The following INTS1 variants were observed in gnomAD, a reference collection of about 807,000 sequenced individuals.
INTS1 encodes the protein integrator complex subunit 1.
A neutral mutation model predicts 241.6 loss-of-function variants in INTS1; 137 were observed. That is an observed-to-expected ratio of 0.57 (90% CI 0.49 to 0.65). The LOEUF (loss-of-function observed/expected upper bound fraction) is 0.65. INTS1 is among the 30% of genes least tolerant of loss of function. INTS1 has a pLI of 0.00. For synonymous variants in INTS1, 1,692 were observed against 1,337.8 expected, an observed-to-expected ratio of 1.26 and a Z score of -5.78; for missense variants, 3,073 against 3,032.2, an observed-to-expected ratio of 1.01 and a Z score of -0.32.
chr7:1,477,903 T>G lies in INTS1; in HGVS notation c.4664A>C (p.His1555Pro). 1 of 1,612,420 alleles carries G rather than the reference T, an allele frequency of 6.2e-7. No individual in the cohort carries two copies. The highest frequency in any genetic ancestry group is 2.2e-5 in the East Asian group (1 of 44,868). ...LQGLIEVRSPHLEELLTAFFS... is the reference protein window; with the variant it reads ...LQGLIEVRSPPLEELLTAFFS... The stretch of plus-strand genomic sequence containing the variant: ...GAATGCAGTCAGCAGCTCCTCCAGG[T>G]GGGGGGACCTCACCTCGATCAGCCC... The change falls in exon 34 of 48, where the codon CAC becomes CCC. Residue 1555 changes from histidine to proline, a missense_variant. Physicochemically the swap from His to Pro is moderately conservative, Grantham distance 77. Transcript: ENST00000404767.
chr7:1,483,716 C>T (rs751871654), intron 26 of INTS1, 26 bp downstream of exon 26: 2 of 1,587,424 alleles, frequency 1.3e-6, no homozygotes, highest in Admixed American at 1.7e-5. Flanking sequence ...ACGAAGCTGC[C>T]CCTCCCGGGG....
intron 44 of INTS1, 113 bp from the exon 45 acceptor site, chr7:1,471,754 C>T: frequency 1.0e-6 from 1 of 986,326 alleles, no homozygotes; most frequent in East Asian, 2.4e-5. Context: ...ACAGAAAGCA[C>T]TGGAAAGCAT....
In INTS1 at chr7:1,480,917, C is replaced by A; in HGVS notation, c.3867G>T (p.Leu1289=). The change falls in exon 29 of 48, where the codon CTG becomes CTT. Residue 1289 remains leucine (L), a synonymous_variant. Transcript: ENST00000404767. ...CGCCGCGCTCATGCTGGACCTCCAC[C>A]AGGTGGGCCATGTAATCTGCAAACC... ...NIMDKNYMAH[L]VEVQHERGAS... The A allele has an allele frequency of 6.4e-7, 1 of 1,571,950 alleles. No individual in the cohort carries two copies. Among genetic ancestry groups the A allele is most frequent in the Non-Finnish European group, 8.6e-7 (1 of 1,159,908 alleles).
At chr7:1,476,183 CA>C in intron 38 of INTS1, 45 bp downstream of exon 38, 1 of 1,533,748 alleles carries the variant, frequency 6.5e-7, no homozygotes. Context: ...CGACCCCCTC[CA>C]TGGCTCACTC....
chr7:1,486,429 A>G (rs907939509), intron 22 of INTS1, among the ~76,000 whole-genome samples, 196 bp downstream of exon 22: 1 of 149,248 alleles, frequency 6.7e-6, no homozygotes, highest in African/African-American at 2.5e-5. Context: ...ACGCCCAGCT[A>G]ATTTTTTCTA....
Position 1,500,374 on chromosome 7 carries a change from G to A in INTS1, c.350-8C>T, listed in dbSNP as rs186035133. 4,616 of 1,556,758 alleles carry A rather than the reference G, an allele frequency of 3.0e-3. 13 individuals carry two copies. Among genetic ancestry groups the A allele is most frequent in the Middle Eastern group, 0.011 (61 of 5,762 alleles). On this transcript the variant is annotated splice_region_variant and splice_polypyrimidine_tract_variant and intron_variant, in intron 3 of 47. Transcript: ENST00000404767. ...GCAGCACCGTGGGCAGCACTGGCCGGGGCAGGCGGTACGGTCAGAACGGGG... is the reference window on the plus strand; with the variant it reads ...GCAGCACCGTGGGCAGCACTGGCCGAGGCAGGCGGTACGGTCAGAACGGGG...
chr7:1,502,923 C>T lies in INTS1; in HGVS notation c.327G>A (p.Glu109=), dbSNP rs1783263251. 10 of 1,613,910 alleles carry T rather than the reference C, an allele frequency of 6.2e-6. No homozygotes were observed. Among genetic ancestry groups the T allele is most frequent in the South Asian group, 1.1e-5 (1 of 91,078 alleles). ...EKRAISPSIK[E]PSVVPIEVLP... Reference sequence around the variant, plus strand: ...TACCTTCAATTGGCACCACAGATGGCTCTTTAATCGACGGAGAAATGGCTC... The same window carrying T: ...TACCTTCAATTGGCACCACAGATGGTTCTTTAATCGACGGAGAAATGGCTC... Residue 109 remains glutamate, a synonymous_variant, in exon 3 of 48, where the codon GAG becomes GAA. Coordinates refer to ENST00000404767, the MANE Select transcript of INTS1 (RefSeq NM_001080453.3).
intron 26 of INTS1, 150 bp downstream of exon 26, chr7:1,483,592 C>T (rs1425916830): frequency 1.4e-6 from 1 of 694,956 alleles, no homozygotes; most frequent in Non-Finnish European, 2.6e-6. Flanking sequence ...CTGCAGCCTC[C>T]TCTTTAGGAG....
At chr7:1,484,248 G>A in intron 24 of INTS1, 78 bp from the exon 25 acceptor site, 2 of 1,438,768 alleles carry the variant, frequency 1.4e-6, no homozygotes, top group Non-Finnish European at 1.9e-6. Flanking sequence ...CTCGTCGCAG[G>A]CACGCTCTCA....
intron 13 of INTS1, 88 bp downstream of exon 13, chr7:1,495,345 G>A (rs1333425254): frequency 2.0e-6 from 3 of 1,468,206 alleles, no homozygotes; most frequent in Non-Finnish European, 2.7e-6. Context: ...CTGGCTCAGT[G>A]GGGTTTGGGG....
rs1015683125 is a variant in INTS1, at chr7:1,504,378, G to A, written c.-97C>T. Reference sequence around the variant, plus strand: ...CCGCCACCCGGCCACCCCGGAATCGGAAACCGATCTCACCGCCCTCGAGGA... The same window carrying A: ...CCGCCACCCGGCCACCCCGGAATCGAAAACCGATCTCACCGCCCTCGAGGA... On this transcript the variant is annotated 5_prime_UTR_variant, in exon 1 of 48. Transcript: ENST00000404767. 2 of 482,554 alleles carry A rather than the reference G, an allele frequency of 4.1e-6. No individual in the cohort carries two copies. The highest frequency in any genetic ancestry group is 8.1e-6 in the Non-Finnish European group (2 of 245,906). 29.9% of individuals were successfully genotyped at this position (482,554 alleles called of 1,614,324 possible).
At chr7:1,483,654 AG>A in intron 26 of INTS1, 87 bp downstream of exon 26, 1 of 1,007,986 alleles carries the variant, frequency 9.9e-7, no homozygotes, top group Non-Finnish European at 1.5e-6. Flanking sequence ...CCCAGAAGCA[AG>A]GCAAGGATGC....
chr7:1,494,715 A>G, intron 14 of INTS1, 101 bp downstream of exon 14: 1 of 1,162,924 alleles, frequency 8.6e-7, no homozygotes, highest in Non-Finnish European at 1.2e-6. Flanking sequence ...CCATGGGAAC[A>G]GCCGCCCAAC....
chr7:1,476,026 T>G lies in INTS1; in HGVS notation c.5424A>C (p.Leu1808=). 11 of 1,545,906 alleles carry G rather than the reference T, an allele frequency of 7.1e-6. 1 individual carries two copies. The South Asian group carries it at 1.2e-4, about 17-fold the overall frequency. Residue 1808 remains leucine, a synonymous_variant, in exon 39 of 48, where the codon CTA becomes CTC. Transcript: ENST00000404767. ...RCRDLLLQLY[L]QRPELRVPVP... The stretch of plus-strand genomic sequence containing the variant: ...CGGGCACCCGCAGCTCCGGCCGCTG[T>G]AGGTAGAGCTGCAGGAGAAGGTCTC...
intron 11 of INTS1, among the ~76,000 whole-genome samples, chr7:1,496,911 G>A (rs2128543104): frequency 6.6e-6 from 1 of 152,276 alleles, no homozygotes; most frequent in East Asian, 2.0e-4. Context: ...CAGCCTAGGG[G>A]TTGCCAGTTC....
chr7:1,470,404 G>A lies in INTS1; in HGVS notation c.*173C>T. On this transcript the variant is annotated 3_prime_UTR_variant, in exon 48 of 48. Transcript: ENST00000404767. ...GGACGGCCCCTGATGCCAGCGGCCG[G>A]CCCGGAGCCACCCCAGGGCTCGGAG... is the stretch of plus-strand genomic sequence containing the variant. 1 of 537,598 alleles carries A rather than the reference G, an allele frequency of 1.9e-6. No homozygotes were observed. Among genetic ancestry groups the A allele is most frequent in the Non-Finnish European group, 3.2e-6 (1 of 309,144 alleles). The allele number at this position is 537,598 out of a possible 1,614,324, so 33.3% of individuals were successfully genotyped here.
intron 18 of INTS1, 138 bp from the exon 19 acceptor site, chr7:1,488,095 G>T: frequency 1.1e-6 from 1 of 894,608 alleles, no homozygotes; most frequent in Non-Finnish European, 1.8e-6. Context: ...AGCACAGGGC[G>T]CCCGGTAGCA....
chr7:1,487,038 C>T lies in INTS1; in HGVS notation c.2710G>A (p.Val904Met), dbSNP rs746497725. 8 of 1,587,486 alleles carry T rather than the reference C, an allele frequency of 5.0e-6. No individual in the cohort carries two copies. The highest frequency in any genetic ancestry group is 2.3e-5 in the East Asian group (1 of 43,766). Residue 904 changes from valine to methionine, a missense_variant, in exon 21 of 48, where the codon GTG becomes ATG. Coordinates refer to ENST00000404767, the MANE Select transcript of INTS1 (RefSeq NM_001080453.3). ...TCGCACAGACACTGCACGGGCAGCA[C>T]GTCCAGGGAGCCCTCGCTGGACTGT... ...LVQSSEGSLD[V>M]LPVQCLCEFL...
chr7:1,499,775 G>A (rs1165240832), intron 5 of INTS1, 109 bp downstream of exon 5: 5 of 1,476,406 alleles, frequency 3.4e-6, no homozygotes, highest in Non-Finnish European at 3.6e-6. Flanking sequence ...ATCACCACCA[G>A]GGCTGTCAGA....
Sources: allele counts gnomAD v4.1 joint callset (sites outside exome capture counted in the v4.1 genomes callset), GRCh38; gene constraint gnomAD v4.1.1; transcripts MANE v1.5; gene names NCBI Gene and HGNC (gene_info 2026-07-23, HGNC 2026-07-21).